The following NOL8 variants were observed in gnomAD, a reference collection of about 807,000 sequenced individuals.
NOL8 encodes the protein nucleolar protein 8, also known as nucleolar protein Nop132.
Under a neutral mutation model 116.1 loss-of-function variants are expected in NOL8, and 93 were observed. The ratio of observed to expected loss-of-function variants is 0.80; its 90% CI spans 0.68 to 0.95. The LOEUF (loss-of-function observed/expected upper bound fraction) is 0.95. Ranked by LOEUF, NOL8 falls within the 40% of genes least tolerant of loss-of-function variation. NOL8 has a pLI of 0.00. For synonymous variants in NOL8, 419 were observed against 469.0 expected (o/e 0.89, Z 1.38); for missense variants, 1,291 against 1,382.8 (o/e 0.93, Z 1.05).
chr9:92,315,266 G>A lies in NOL8; in HGVS notation c.1359C>T (p.Ser453=), dbSNP rs771764040. 2 of 1,613,828 alleles carry A rather than the reference G, an allele frequency of 1.2e-6. No homozygotes were observed. The highest frequency in any genetic ancestry group is 1.3e-5 in the African/African-American group (1 of 74,916). ...KSLNRKSPSH[S]SSSEDADSAS... is the part of the protein sequence containing the mutation. ...CAGAATCAGCATCTTCACTGCTACT[G>A]GAGTGAGAGGGAGATTTACGATTAA... The change falls in exon 7 of 17, where the codon TCC becomes TCT. Residue 453 remains serine (S), a synonymous_variant. Transcript: ENST00000442668.
chr9:92,323,020 C>T (rs1470538896), intron 3 of NOL8: 1 of 161,456 alleles, frequency 6.2e-6, no homozygotes, highest in Admixed American at 6.3e-5. Context: ...AACTTATCAA[C>T]AAGAGATTTC....
intron 8 of NOL8, 151 bp from the exon 9 acceptor site, chr9:92,310,826 CAG>C (rs1838711577): frequency 1.3e-6 from 1 of 790,124 alleles, no homozygotes; most frequent in Non-Finnish European, 2.0e-6. Context: ...ATTCCTGACT[CAG>C]TGAAATCTAA....
intron 12 of NOL8, among the ~76,000 whole-genome samples, chr9:92,305,022 C>T (rs72750485): frequency 0.03 from 4,503 of 151,944 alleles, 104 homozygotes; most frequent in South Asian, 0.079. Flanking sequence ...ACAGAAGCTC[C>T]TACCACACTA....
At position 92,310,609 on chromosome 9, in the gene NOL8, C is replaced by G. The variant is rs759138032; in HGVS notation, c.2539G>C (p.Asp847His). ...SSDDDESDSE[D>H]DSNRFKIKPQ... ...TTAATTTTGAACCTATTACTGTCATCTTCAGAATCAGATTCGTCATCATCA... is the reference window on the plus strand; with the variant it reads ...TTAATTTTGAACCTATTACTGTCATGTTCAGAATCAGATTCGTCATCATCA... Residue 847 changes from aspartate (D) to histidine (H), a missense_variant, in exon 9 of 17, where the codon GAT becomes CAT. Coordinates refer to ENST00000442668, the MANE Select transcript of NOL8 (RefSeq NM_017948.6). The G allele has an allele frequency of 9.3e-6, 15 of 1,613,432 alleles. No homozygotes were observed. The highest frequency in any genetic ancestry group is 1.3e-5 in the Non-Finnish European group (15 of 1,179,588).
At chr9:92,304,994 A>T (rs112518563) in intron 12 of NOL8, among the ~76,000 whole-genome samples, 5,766 of 152,016 alleles carry the variant, frequency 0.038, 143 homozygotes, top group Middle Eastern at 0.075. Context: ...TATCCAACTG[A>T]CTGCACATCT....
At chr9:92,305,999 T>C (rs1478020743) in intron 11 of NOL8, among the ~76,000 whole-genome samples, 169 bp from the exon 12 acceptor site, 3 of 152,132 alleles carry the variant, frequency 2.0e-5, no homozygotes, top group African/African-American at 4.8e-5. Flanking sequence ...AACATATACA[T>C]AGATTTTTCT....
At chr9:92,311,051 C>T in intron 8 of NOL8, 95 bp downstream of exon 8, 1 of 962,448 alleles carries the variant, frequency 1.0e-6, no homozygotes, top group Non-Finnish European at 1.6e-6. Context: ...CTCATTGGGG[C>T]TCTCAGGAGG....
chr9:92,300,956 A>AGCTTTCT, intron 13 of NOL8: 2 of 771,012 alleles, frequency 2.6e-6, no homozygotes, highest in Non-Finnish European at 1.6e-6. Flanking sequence ...GGGAACTTCC[A>AGCTTTCT]GAAAGCTGGA....
rs1209859530 is a variant in NOL8, at chr9:92,298,866, T to G, written c.3373+18A>C. The G allele has an allele frequency of 6.9e-7, 1 of 1,449,746 alleles. No individual in the cohort carries two copies. The highest frequency in any genetic ancestry group is 9.3e-7 in the Non-Finnish European group (1 of 1,071,134). The allele number at this position is 1,449,746 out of a possible 1,614,324, so 89.8% of individuals were successfully genotyped here. A position where few individuals can be genotyped will look rare whatever the true frequency, so the allele number is the denominator to read the frequency against. On this transcript the variant is annotated intron_variant, in intron 15 of 16. Transcript: ENST00000442668. ...TACCTGTTCTATGTATGTAATTTGA[T>G]GAAAAAAATGGACTGACCTTGAAGT...
At chr9:92,320,024 C>A (rs1839791998) in intron 4 of NOL8, 1 of 455,092 alleles carries the variant, frequency 2.2e-6, no homozygotes. Context: ...CAATTTTCCC[C>A]TTTCAATTTA....
At chr9:92,313,342 CTT>C (rs1354807960) in intron 7 of NOL8, among the ~76,000 whole-genome samples, 1 of 152,144 alleles carries the variant, frequency 6.6e-6, no homozygotes, top group Non-Finnish European at 1.5e-5. Flanking sequence ...GGTTGACAAA[CTT>C]TTTCTGTAAA....
At chr9:92,318,033 C>CAAAAAAA (rs745928872) in intron 6 of NOL8, among the ~76,000 whole-genome samples, 1 of 34,608 alleles carries the variant, frequency 2.9e-5, no homozygotes, top group African/African-American at 1.2e-4. Context: ...GACTCCATCT[C>CAAAAAAA]AAAAAAAAAA....
rs776311222 is a variant in NOL8, at chr9:92,323,391, CAG to C, written c.202+48_202+49del. The C allele has an allele frequency of 2.6e-6, 4 of 1,550,006 alleles. No individual in the cohort carries two copies. The Admixed American group carries it at 5.8e-5, about 22-fold the overall frequency. On this transcript the variant is annotated intron_variant, in intron 3 of 16. Transcript: ENST00000442668. ...ATTTAGAACCAGTTATTCCAAGTTA[CAG>C]AGTCATACAAACTGGCAAACAGTAT...
At chr9:92,300,364 T>G (rs1444359803) in intron 13 of NOL8, 1 of 994,296 alleles carries the variant, frequency 1.0e-6, no homozygotes, top group Non-Finnish European at 1.2e-6. Context: ...GCCTAAAATA[T>G]AATAGGATAC....
intron 6 of NOL8, among the ~76,000 whole-genome samples, chr9:92,316,931 G>C (rs949145859): frequency 2.0e-5 from 3 of 152,126 alleles, no homozygotes; most frequent in Non-Finnish European, 4.4e-5. Context: ...ATATGAATAG[G>C]CAAGTATTAA....
At chr9:92,299,050 A>G (rs983184513) in intron 14 of NOL8, 96 bp from the exon 15 acceptor site, 25 of 551,734 alleles carry the variant, frequency 4.5e-5, no homozygotes, top group East Asian at 2.0e-4. Flanking sequence ...ACATAAATAC[A>G]CTATTTCTTA....
At position 92,297,610 on chromosome 9, in the gene NOL8, G is replaced by T. The variant is rs979863408; in HGVS notation, c.*226C>A. The T allele has an allele frequency of 3.4e-5, 18 of 523,098 alleles. No individual in the cohort carries two copies. Among genetic ancestry groups the T allele is most frequent in the Middle Eastern group, 5.2e-4 (1 of 1,908 alleles). The allele number at this position is 523,098 out of a possible 1,614,324, so 32.4% of individuals were successfully genotyped here. The stretch of plus-strand genomic sequence containing the variant: ...AAAAAGTATTTTCAAGGACTATCTT[G>T]TTCTTCCTTTATAAGAAGTTGAATT... On this transcript the variant is annotated 3_prime_UTR_variant, in exon 17 of 17. Transcript: ENST00000442668.
intron 10 of NOL8, 134 bp downstream of exon 10, chr9:92,310,037 A>C: frequency 1.6e-6 from 1 of 640,326 alleles, no homozygotes; most frequent in African/African-American, 1.8e-5. Flanking sequence ...TTAACTGTAC[A>C]TTTGATTATA....
chr9:92,324,921 C>T (rs1197895628), intron 1 of NOL8: 2 of 152,086 alleles, frequency 1.3e-5, no homozygotes, highest in Non-Finnish European at 2.9e-5. Flanking sequence ...ATTAGTGAAT[C>T]CAGGATTATA....
Sources: gnomAD v4.1 joint callset for allele counts (sites outside exome capture counted in the v4.1 genomes callset) on GRCh38, gnomAD v4.1.1 for gene constraint, MANE v1.5 for transcripts, NCBI Gene and HGNC (gene_info 2026-07-23, HGNC 2026-07-21) for gene names.